Variants in EYS observed in about 807,000 individuals in gnomAD.
The protein encoded by EYS is EGF-like photoreceptor maintenance factor.
In EYS, 250 loss-of-function variants were observed where a neutral mutation model predicts 282.1. The observed-to-expected ratio is 0.89, with a 90% CI of 0.80 to 0.98. The LOEUF is 0.98. EYS is among the 50% of genes least tolerant of loss of function. EYS has a pLI of 0.00. For synonymous variants in EYS, 1,355 were observed against 1,282.9 expected, an observed-to-expected ratio of 1.06 and a Z score of -1.20; for missense variants, 4,016 against 3,709.0, an observed-to-expected ratio of 1.08 and a Z score of -2.15.
intron 26 of EYS, among the ~76,000 whole-genome samples, chr6:64,501,515 C>T (rs919216161): frequency 2.0e-5 from 3 of 151,782 alleles, no homozygotes; most frequent in Non-Finnish European, 2.9e-5. Flanking sequence ...GTTCTGAGAA[C>T]ATCCTCATTA....
At chr6:65,324,291 G>A (rs1769558666) in intron 11 of EYS, among the ~76,000 whole-genome samples, 1 of 152,124 alleles carries the variant, frequency 6.6e-6, no homozygotes, top group Non-Finnish European at 1.5e-5. Context: ...TGAGAGTGGG[G>A]ACTTTGTTTT....
At chr6:65,581,826 A>G (rs1176988942) in intron 2 of EYS, among the ~76,000 whole-genome samples, 2 of 152,068 alleles carry the variant, frequency 1.3e-5, no homozygotes, top group Non-Finnish European at 2.9e-5. Context: ...TTATATCTCT[A>G]TTATGTATAC....
chr6:63,759,792 C>T lies in EYS; in HGVS notation c.8071+2669G>A, dbSNP rs137986113. Among the ~76,000 whole-genome samples the T allele has an allele frequency of 6.6e-5, 10 of 152,204 alleles. No individual in the cohort carries two copies. In the East Asian group the frequency reaches 1.9e-3, roughly 29 times the overall value. On this transcript the variant is annotated intron_variant, in intron 41 of 42. Transcript: ENST00000503581. Reference sequence around the variant, plus strand: ...AGGAAAACACAGTAATAATTCCTGACACTGCCATCTACTGTGTGTTGGACC... The same window carrying T: ...AGGAAAACACAGTAATAATTCCTGATACTGCCATCTACTGTGTGTTGGACC...
chr6:63,864,451 A>G, intron 35 of EYS, 93 bp from the exon 36 acceptor site: 1 of 827,658 alleles, frequency 1.2e-6, no homozygotes, highest in Non-Finnish European at 1.7e-6. Flanking sequence ...CACATATGCA[A>G]ATAAAATTAT....
chr6:64,131,033 A>C (rs1282429464), intron 31 of EYS, among the ~76,000 whole-genome samples: 1 of 151,894 alleles, frequency 6.6e-6, no homozygotes, highest in African/African-American at 2.4e-5. Flanking sequence ...ATGCCCGGCT[A>C]ATTTTTGTAT....
intron 5 of EYS, among the ~76,000 whole-genome samples, chr6:65,470,486 T>G (rs9360131): frequency 0.19 from 28,359 of 152,084 alleles, 3,273 homozygotes; most frequent in Middle Eastern, 0.3. Flanking sequence ...GATGCAGTCT[T>G]ACCAATCTAA....
intron 2 of EYS, among the ~76,000 whole-genome samples, chr6:65,569,182 G>A (rs895815048): frequency 1.1e-4 from 16 of 152,100 alleles, no homozygotes; most frequent in African/African-American, 3.1e-4. Flanking sequence ...GGCTCATCCC[G>A]GCTCAAAAGC....
At chr6:64,095,035 T>C (rs1423886318) in intron 31 of EYS, among the ~76,000 whole-genome samples, 1 of 152,304 alleles carries the variant, frequency 6.6e-6, no homozygotes, top group East Asian at 1.9e-4. Flanking sequence ...CAGGAGCAGG[T>C]TGTTCAGTTT....
chr6:64,664,891 T>C (rs1769175611), intron 22 of EYS, among the ~76,000 whole-genome samples: 1 of 152,218 alleles, frequency 6.6e-6, no homozygotes, highest in African/African-American at 2.4e-5. Context: ...GTGTTTTATA[T>C]AGCAACCTGA....
At chr6:64,911,018 A>G (rs1562254809) in intron 16 of EYS, among the ~76,000 whole-genome samples, 1 of 151,954 alleles carries the variant, frequency 6.6e-6, no homozygotes, top group Non-Finnish European at 1.5e-5. Context: ...ATACTCTCAG[A>G]AATAATAATA....
intron 26 of EYS, among the ~76,000 whole-genome samples, chr6:64,525,981 A>G (rs1777905676): frequency 6.6e-6 from 1 of 151,838 alleles, no homozygotes; most frequent in African/African-American, 2.4e-5. Flanking sequence ...CTCTAATATC[A>G]TCTGTAGACT....
intron 35 of EYS, among the ~76,000 whole-genome samples, chr6:63,961,785 C>A (rs1158885728): frequency 6.6e-6 from 1 of 152,140 alleles, no homozygotes; most frequent in African/African-American, 2.4e-5. Flanking sequence ...AGTATTATCA[C>A]ATTGGGTATA....
intron 11 of EYS, among the ~76,000 whole-genome samples, chr6:65,298,548 T>A (rs1420403841): frequency 6.6e-6 from 1 of 151,980 alleles, no homozygotes; most frequent in Non-Finnish European, 1.5e-5. Context: ...ATACTTTTTC[T>A]TGTGTACTCG....
At chr6:63,825,511 A>G (rs1202035688) in intron 36 of EYS, among the ~76,000 whole-genome samples, 1 of 152,144 alleles carries the variant, frequency 6.6e-6, no homozygotes, top group Non-Finnish European at 1.5e-5. Flanking sequence ...CGCCACCTCA[A>G]CGAGAACAGG....
intron 28 of EYS, among the ~76,000 whole-genome samples, chr6:64,411,456 G>T (rs1008496090): frequency 5.3e-5 from 8 of 152,048 alleles, no homozygotes; most frequent in Non-Finnish European, 1.2e-4. Context: ...CAAAAAATCA[G>T]GTCAAGCATT....
At chr6:64,408,925 A>G (rs1373167630) in intron 28 of EYS, among the ~76,000 whole-genome samples, 2 of 152,004 alleles carry the variant, frequency 1.3e-5, no homozygotes, top group African/African-American at 2.4e-5. Context: ...CAATAGGAAG[A>G]TTTTCATTCT....
At chr6:64,235,319 T>C (rs1424830279) in intron 30 of EYS, among the ~76,000 whole-genome samples, 1 of 143,384 alleles carries the variant, frequency 7.0e-6, no homozygotes, top group African/African-American at 2.6e-5. Context: ...AATTCCCACC[T>C]ATGAGTGAGA....
intron 13 of EYS, among the ~76,000 whole-genome samples, chr6:65,023,244 G>A (rs369774179): frequency 4.6e-5 from 7 of 151,722 alleles, no homozygotes; most frequent in South Asian, 2.1e-4. Flanking sequence ...TATTAACTGC[G>A]GTCACTGTTA....
chr6:64,789,720 C>CT (rs1338939987), intron 22 of EYS, among the ~76,000 whole-genome samples: 9 of 151,886 alleles, frequency 5.9e-5, no homozygotes, highest in East Asian at 1.9e-4. Context: ...GTAAGCCTTT[C>CT]TTTTTTTTAA....
Sources: allele counts gnomAD v4.1 joint callset (sites outside exome capture counted in the v4.1 genomes callset), GRCh38; gene constraint gnomAD v4.1.1; transcripts MANE v1.5; gene names NCBI Gene and HGNC (gene_info 2026-07-23, HGNC 2026-07-21).